Variants in DMRT1 observed in about 807,000 individuals in gnomAD.
DMRT1 encodes the protein doublesex and mab-3 related transcription factor 1.
DMRT1 carries 7 observed loss-of-function variants against 32.3 expected under a neutral mutation model. The observed-to-expected ratio is 0.22, with a 90% CI of 0.12 to 0.41. The LOEUF (loss-of-function observed/expected upper bound fraction) is 0.41, where lower values mean the gene tolerates loss of function less well. Among genes scored for constraint, DMRT1 ranks in the 10% least tolerant of loss-of-function variants. The pLI is 1.00. For missense variants in DMRT1, 625 were observed against 500.5 expected, an observed-to-expected ratio of 1.25 and a Z score of -2.37; for synonymous variants, 278 against 206.1, an observed-to-expected ratio of 1.35 and a Z score of -2.99.
At position 937,280 on chromosome 9, in the gene DMRT1, A is replaced by G. The variant is rs1368168191; in HGVS notation, c.967+20373A>G. On this transcript the variant is annotated intron_variant, in intron 4 of 4. Transcript: ENST00000382276. ...GCACTTGGGTTTCCACCCTTTGGCT[A>G]CTGTGAAATAATGCTGCTGTGAAGT... Among the ~76,000 whole-genome samples, 4 of 152,242 alleles carry G rather than the reference A, an allele frequency of 2.6e-5. No homozygotes were observed. In the East Asian group the frequency reaches 7.7e-4, roughly 29 times the overall value.
intron 4 of DMRT1, among the ~76,000 whole-genome samples, chr9:940,888 G>C (rs1014771384): frequency 6.6e-6 from 1 of 152,190 alleles, no homozygotes; most frequent in Non-Finnish European, 1.5e-5. Flanking sequence ...GACTTGAACA[G>C]ACATTTCTCC....
chr9:858,015 C>G lies in DMRT1; in HGVS notation c.538+10872C>G, dbSNP rs568938688. Among the ~76,000 whole-genome samples the G allele has an allele frequency of 1.7e-4, 26 of 151,998 alleles. No individual in the cohort carries two copies. In the East Asian group the frequency reaches 3.9e-3, roughly 23 times the overall value. ...TGTATATGTGCCACATTTTCTTAATCCAGTCTATTATTGTTGTACATTTGG... is the reference window on the plus strand; with the variant it reads ...TGTATATGTGCCACATTTTCTTAATGCAGTCTATTATTGTTGTACATTTGG... On this transcript the variant is annotated intron_variant, in intron 2 of 4. Coordinates refer to ENST00000382276, the MANE Select transcript of DMRT1 (RefSeq NM_021951.3).
chr9:903,679 G>A (rs180757735), intron 3 of DMRT1, among the ~76,000 whole-genome samples: 47 of 152,308 alleles, frequency 3.1e-4, no homozygotes, highest in Non-Finnish European at 6.0e-4. Flanking sequence ...CTACAGTATA[G>A]TGCACAGGAG....
chr9:870,223 C>A (rs575435837), intron 2 of DMRT1, among the ~76,000 whole-genome samples: 2 of 152,244 alleles, frequency 1.3e-5, no homozygotes, highest in East Asian at 3.9e-4. Context: ...CACGGTGAAA[C>A]CCCGTTTCTA....
At chr9:858,869 AAATAT>A (rs1279562888) in intron 2 of DMRT1, among the ~76,000 whole-genome samples, 26 of 17,328 alleles carry the variant, frequency 1.5e-3, no homozygotes, top group African/African-American at 4.0e-3. Context: ...AAAAAAAAAA[AAATAT>A]ATATATATAT....
intron 4 of DMRT1, among the ~76,000 whole-genome samples, chr9:924,276 C>T (rs576896151): frequency 2.9e-4 from 44 of 152,050 alleles, no homozygotes; most frequent in African/African-American, 1.1e-3. Flanking sequence ...TTCTACATGT[C>T]AGCCAGGCTG....
rs1205538076 is a variant in DMRT1, at chr9:858,853, CAAAAAAAA to C, written c.538+11721_538+11728del. ...CGCGCCATTGCACTCCAGTCTGTCT[CAAAAAAAA>C]AAAAAAAAAATATATATATATATAT... On this transcript the variant is annotated intron_variant, in intron 2 of 4. Coordinates refer to ENST00000382276, the MANE Select transcript of DMRT1 (RefSeq NM_021951.3). Among the ~76,000 whole-genome samples the C allele has an allele frequency of 4.0e-3, 544 of 137,674 alleles. 2 individuals are homozygous for C. Among genetic ancestry groups the C allele is most frequent in the Middle Eastern group, 7.4e-3 (2 of 270 alleles). 90.3% of individuals were successfully genotyped at this position (137,674 alleles called of 152,430 possible). A position where few individuals can be genotyped will look rare whatever the true frequency, so the allele number is the denominator to read the frequency against.
intron 2 of DMRT1, among the ~76,000 whole-genome samples, chr9:884,427 A>G (rs1816846896): frequency 1.3e-5 from 2 of 151,868 alleles, no homozygotes; most frequent in African/African-American, 2.4e-5. Flanking sequence ...CTGAATGTGC[A>G]GAAAGTAAAC....
intron 4 of DMRT1, among the ~76,000 whole-genome samples, chr9:936,686 G>A (rs1482892321): frequency 1.3e-5 from 2 of 148,482 alleles, no homozygotes; most frequent in East Asian, 2.0e-4. Context: ...CCTGGGAGGC[G>A]GAAATTGCAG....
chr9:915,213 C>A (rs770690955), intron 3 of DMRT1, among the ~76,000 whole-genome samples: 12 of 152,162 alleles, frequency 7.9e-5, no homozygotes, highest in Non-Finnish European at 1.8e-4. Flanking sequence ...AAGTCCAGCT[C>A]TGTTGTTGCC....
chr9:956,582 A>C (rs796167670), intron 4 of DMRT1, among the ~76,000 whole-genome samples: 91 of 130,544 alleles, frequency 7.0e-4, no homozygotes, highest in Non-Finnish European at 1.5e-3. Flanking sequence ...AAAAAACAAA[A>C]AACAAAAAAC....
At chr9:906,990 A>G (rs1331439414) in intron 3 of DMRT1, among the ~76,000 whole-genome samples, 1 of 152,194 alleles carries the variant, frequency 6.6e-6, no homozygotes, top group South Asian at 2.1e-4. Flanking sequence ...ACAAGTCTCT[A>G]TATTATTTCT....
chr9:938,774 A>C (rs952118564), intron 4 of DMRT1, among the ~76,000 whole-genome samples: 6 of 152,202 alleles, frequency 3.9e-5, no homozygotes, highest in Admixed American at 2.0e-4. Context: ...ACAGTATTGT[A>C]TTGAACAGAG....
At chr9:853,733 G>C (rs1208807917) in intron 2 of DMRT1, among the ~76,000 whole-genome samples, 1 of 152,054 alleles carries the variant, frequency 6.6e-6, no homozygotes, top group East Asian at 1.9e-4. Flanking sequence ...TTGAACTCCT[G>C]ACCTCAGGTG....
intron 4 of DMRT1, among the ~76,000 whole-genome samples, chr9:940,318 A>G (rs1819021032): frequency 1.3e-5 from 2 of 152,216 alleles, no homozygotes; most frequent in African/African-American, 2.4e-5. Flanking sequence ...CCAAGTGCCC[A>G]TCAACAGAAG....
At chr9:864,317 C>G (rs556380037) in intron 2 of DMRT1, among the ~76,000 whole-genome samples, 2 of 147,178 alleles carry the variant, frequency 1.4e-5, no homozygotes, top group African/African-American at 2.5e-5. Flanking sequence ...CGATTCTCCA[C>G]TTCAGCCTGC....
chr9:884,852 C>G (rs1350333804), intron 2 of DMRT1, among the ~76,000 whole-genome samples: 2 of 152,214 alleles, frequency 1.3e-5, no homozygotes, highest in East Asian at 3.9e-4. Flanking sequence ...CACCTGTAAT[C>G]TCAGCTACTC....
At chr9:856,571 T>C (rs1815410823) in intron 2 of DMRT1, among the ~76,000 whole-genome samples, 1 of 152,242 alleles carries the variant, frequency 6.6e-6, no homozygotes, top group Non-Finnish European at 1.5e-5. Context: ...TTTTTAATTA[T>C]TATTGTTCCT....
At chr9:847,676 T>G (rs5012755) in intron 2 of DMRT1, among the ~76,000 whole-genome samples, 1 of 151,764 alleles carries the variant, frequency 6.6e-6, no homozygotes, top group African/African-American at 2.4e-5. Flanking sequence ...TAGACAGTTA[T>G]GGGATTGGCC....
Sources: gnomAD v4.1 joint callset for allele counts (sites outside exome capture counted in the v4.1 genomes callset) on GRCh38, gnomAD v4.1.1 for gene constraint, MANE v1.5 for transcripts, NCBI Gene and HGNC (gene_info 2026-07-23, HGNC 2026-07-21) for gene names.